The following PDE1A variants were observed in gnomAD, a reference collection of about 807,000 sequenced individuals.
The protein encoded by PDE1A is dual specificity calcium/calmodulin-dependent 3',5'-cyclic nucleotide phosphodiesterase 1A.
Under a neutral mutation model 61.7 loss-of-function variants are expected in PDE1A, and 35 were observed. The observed-to-expected ratio is 0.57, with a 90% confidence interval of 0.43 to 0.75. PDE1A has a LOEUF of 0.75. Ranked by LOEUF, PDE1A falls within the 30% of genes least tolerant of loss-of-function variation. The pLI is 0.00. For synonymous variants in PDE1A, 232 were observed against 213.2 expected (o/e 1.09, Z -0.77); for missense variants, 597 against 630.6 (o/e 0.95, Z 0.57).
chr2:182,684,881 T>C, the PDE1A span, among the ~76,000 whole-genome samples: 1 of 152,148 alleles, frequency 6.6e-6, no homozygotes, highest in Non-Finnish European at 1.5e-5. Context: ...TATTAGGTTA[T>C]ATTGGTGTCA....
At chr2:182,310,476 T>C (rs1034375591) in intron 1 of PDE1A, among the ~76,000 whole-genome samples, 29 of 152,150 alleles carry the variant, frequency 1.9e-4, no homozygotes, top group African/African-American at 5.8e-4. Flanking sequence ...TAATACAATA[T>C]GTGTCATATA....
At chr2:182,309,027 T>G in intron 1 of PDE1A, among the ~76,000 whole-genome samples, 1 of 146,052 alleles carries the variant, frequency 6.8e-6, no homozygotes, top group East Asian at 2.0e-4. Context: ...AGTCTTGCTT[T>G]AAAAAAAAAA....
intron 1 of PDE1A, among the ~76,000 whole-genome samples, chr2:182,353,234 T>C (rs1052312588): frequency 1.2e-4 from 19 of 152,210 alleles, no homozygotes; most frequent in African/African-American, 4.6e-4. Flanking sequence ...ATTTGGACCA[T>C]CAGCACTTAT....
In PDE1A at chr2:182,208,830, C is replaced by T. The variant is rs375038757; in HGVS notation, c.777-2765G>A. Reference sequence around the variant, plus strand: ...GGGCCTACAGTCCCTTTGTTTGGGCCAATTTCTCCCTTTCGGAATAGGAGC... The same window carrying T: ...GGGCCTACAGTCCCTTTGTTTGGGCTAATTTCTCCCTTTCGGAATAGGAGC... On this transcript the variant is annotated intron_variant, in intron 7 of 13. Coordinates refer to ENST00000351439, the Ensembl canonical transcript of PDE1A. 3.9e-5 allele frequency among the ~76,000 whole-genome samples: 6 copies of T among 152,310 alleles called. No homozygotes were observed. In the East Asian group the frequency reaches 7.7e-4, roughly 20 times the overall value.
chr2:182,228,410 G>A (rs1166525187), intron 6 of PDE1A, among the ~76,000 whole-genome samples: 4 of 152,030 alleles, frequency 2.6e-5, no homozygotes, highest in Non-Finnish European at 5.9e-5. Flanking sequence ...ACACTGATAG[G>A]GCCACCCTGA....
chr2:182,451,486 C>A (rs1355975284), intron 2 of PDE1A, among the ~76,000 whole-genome samples: 1 of 152,014 alleles, frequency 6.6e-6, no homozygotes, highest in Non-Finnish European at 1.5e-5. Context: ...AGATCTATTT[C>A]TGTTATTAAC....
chr2:182,692,353 G>A, the PDE1A span, among the ~76,000 whole-genome samples: 11 of 152,218 alleles, frequency 7.2e-5, no homozygotes, highest in African/African-American at 2.2e-4. Flanking sequence ...AAAATGATGA[G>A]TTCATGTCCT....
At chr2:182,617,566 C>T in the PDE1A span, among the ~76,000 whole-genome samples, 1 of 152,142 alleles carries the variant, frequency 6.6e-6, no homozygotes, top group African/African-American at 2.4e-5. Context: ...CCAGAATTTG[C>T]AGTTTATGTC....
intron 7 of PDE1A, among the ~76,000 whole-genome samples, chr2:182,220,089 A>G (rs1006081025): frequency 7.9e-5 from 12 of 152,002 alleles, no homozygotes; most frequent in Non-Finnish European, 1.6e-4. Flanking sequence ...TTCTAGCACT[A>G]TCATAAAGAT....
chr2:182,613,768 C>T, the PDE1A span, among the ~76,000 whole-genome samples: 1 of 152,106 alleles, frequency 6.6e-6, no homozygotes, highest in African/African-American at 2.4e-5. Context: ...AATTTTTAAC[C>T]ATGAGTTTCC....
chr2:182,627,670 C>T, the PDE1A span, among the ~76,000 whole-genome samples: 88 of 151,536 alleles, frequency 5.8e-4, 2 homozygotes, highest in Non-Finnish European at 1.3e-4. Flanking sequence ...TTGCTGGGTG[C>T]AGTGGCTCAT....
intron 2 of PDE1A, among the ~76,000 whole-genome samples, chr2:182,501,208 A>G (rs780920510): frequency 6.6e-6 from 1 of 152,218 alleles, no homozygotes; most frequent in Non-Finnish European, 1.5e-5. Context: ...CTTCTGGTTA[A>G]TAACATATTT....
chr2:182,293,078 A>G (rs1396880436), intron 1 of PDE1A, among the ~76,000 whole-genome samples: 1 of 152,034 alleles, frequency 6.6e-6, no homozygotes, highest in Non-Finnish European at 1.5e-5. Context: ...GTAAGCAGGT[A>G]CTCTTTTCAA....
At chr2:182,236,795 A>C (rs1474912733) in intron 3 of PDE1A, among the ~76,000 whole-genome samples, 1 of 152,174 alleles carries the variant, frequency 6.6e-6, no homozygotes. Context: ...TGAGTTTCTT[A>C]AACTTGGGAT....
chr2:182,577,170 C>A, the PDE1A span, among the ~76,000 whole-genome samples: 2 of 152,024 alleles, frequency 1.3e-5, no homozygotes, highest in Non-Finnish European at 2.9e-5. Context: ...CAATTTTATA[C>A]AGAAAGAATC....
the PDE1A span, among the ~76,000 whole-genome samples, chr2:182,675,580 A>G: frequency 6.6e-6 from 1 of 152,208 alleles, no homozygotes. Context: ...CCAACAGTGT[A>G]TAAGTTTTCC....
the PDE1A span, among the ~76,000 whole-genome samples, chr2:182,536,930 C>T: frequency 6.6e-6 from 1 of 152,124 alleles, no homozygotes; most frequent in Non-Finnish European, 1.5e-5. Flanking sequence ...TAAGGAGACC[C>T]ACGTGTTCTA....
the PDE1A span, among the ~76,000 whole-genome samples, chr2:182,614,624 C>G: frequency 7.0e-6 from 1 of 142,362 alleles, no homozygotes; most frequent in East Asian, 2.1e-4. Flanking sequence ...GTGGTGCAAT[C>G]TCAGCTCACT....
chr2:182,476,466 G>A (rs1290450617), intron 2 of PDE1A, among the ~76,000 whole-genome samples: 3 of 151,896 alleles, frequency 2.0e-5, no homozygotes, highest in Non-Finnish European at 4.4e-5. Flanking sequence ...TCAAACCTGG[G>A]CAACAAAGCG....
Sources: gnomAD v4.1 joint callset for allele counts (sites outside exome capture counted in the v4.1 genomes callset) on GRCh38, gnomAD v4.1.1 for gene constraint, MANE v1.5 for transcripts, NCBI Gene and HGNC (gene_info 2026-07-23, HGNC 2026-07-21) for gene names.